SLF2: variants seen among roughly 807,000 people sequenced by gnomAD.
The protein encoded by SLF2 is SMC5-SMC6 complex localization factor protein 2.
A neutral mutation model predicts 124.3 loss-of-function variants in SLF2; 68 were observed. The ratio of observed to expected loss-of-function variants is 0.55; its 90% CI spans 0.45 to 0.67. The LOEUF is 0.67. Ranked by LOEUF, SLF2 falls within the 30% of genes least tolerant of loss-of-function variation. SLF2 has a pLI of 0.00. For missense variants in SLF2, 1,246 were observed against 1,373.7 expected (o/e 0.91, Z 1.47); for synonymous variants, 480 against 478.8 (o/e 1.00, Z -0.03).
At chr10:100,942,935 C>G (rs1022254282) in intron 11 of SLF2, among the ~76,000 whole-genome samples, 2 of 146,544 alleles carry the variant, frequency 1.4e-5, no homozygotes, top group African/African-American at 5.0e-5. Context: ...CACCCACTCT[C>G]TCATCATTTG....
intron 9 of SLF2, among the ~76,000 whole-genome samples, chr10:100,933,915 G>GT (rs1849794701): frequency 6.6e-6 from 1 of 152,202 alleles, no homozygotes; most frequent in Admixed American, 6.5e-5. Context: ...CTGGCCTTAA[G>GT]TGATCCACCC....
rs1312920837 is a variant in SLF2 at position 100,925,061 on chromosome 10, A to G, written c.1971+89A>G. 1.6e-5 allele frequency: 21 copies of G among 1,300,486 alleles called. No individual in the cohort carries two copies. The East Asian group carries it at 4.9e-4, about 30-fold the overall frequency. The allele number at this position is 1,300,486 out of a possible 1,614,324, so 80.6% of individuals were successfully genotyped here. A position where few individuals can be genotyped will look rare whatever the true frequency, so the allele number is the denominator to read the frequency against. ...GTGGATTATCGGAACTTACTTTAAA[A>G]TTTAGTATTTATTATAACTCATATT... On this transcript the variant is annotated intron_variant, in intron 5 of 19. Coordinates refer to ENST00000238961, the MANE Select transcript of SLF2 (RefSeq NM_018121.4).
rs1850435656 is a variant in SLF2, at chr10:100,962,071, G to A, written c.*159G>A. ...GTATGAAGCTGGTAATGAAGAAATTGCCATTTCTGAAGCAGATATGAAATA... is the reference window on the plus strand; with the variant it reads ...GTATGAAGCTGGTAATGAAGAAATTACCATTTCTGAAGCAGATATGAAATA... On this transcript the variant is annotated 3_prime_UTR_variant, in exon 20 of 20. Coordinates refer to ENST00000238961, the MANE Select transcript of SLF2 (RefSeq NM_018121.4). 1.6e-6 allele frequency: 1 copy of A among 608,816 alleles called. No individual in the cohort carries two copies. Among genetic ancestry groups the A allele is most frequent in the Non-Finnish European group, 2.7e-6 (1 of 368,734 alleles). The allele number at this position is 608,816 out of a possible 1,614,324, so 37.7% of individuals were successfully genotyped here.
intron 4 of SLF2, among the ~76,000 whole-genome samples, chr10:100,920,012 A>G (rs192076858): frequency 1.3e-5 from 2 of 152,374 alleles, no homozygotes; most frequent in Admixed American, 1.3e-4. Flanking sequence ...TTATAGAAGG[A>G]ACTTCTAGGA....
chr10:100,945,240 C>A, intron 12 of SLF2, 90 bp from the exon 13 acceptor site: 1 of 1,076,932 alleles, frequency 9.3e-7, no homozygotes, highest in Non-Finnish European at 1.3e-6. Flanking sequence ...TTCTTTTTTG[C>A]ATCTTTTGTC....
intron 4 of SLF2, among the ~76,000 whole-genome samples, chr10:100,922,599 T>G (rs1025571343): frequency 2.0e-5 from 3 of 152,132 alleles, no homozygotes; most frequent in Non-Finnish European, 4.4e-5. Flanking sequence ...GAATACTGAT[T>G]GCACAAATAG....
chr10:100,959,600 A>G (rs1383627388), intron 19 of SLF2, 104 bp downstream of exon 19: 3 of 1,422,972 alleles, frequency 2.1e-6, no homozygotes, highest in Admixed American at 5.2e-5. Flanking sequence ...ACTTGCTTCT[A>G]GTTATCTTAA....
Position 100,959,510 on chromosome 10 carries a change from A to G in SLF2, c.3486+14A>G, listed in dbSNP as rs929723838. The G allele has an allele frequency of 1.6e-5, 25 of 1,612,806 alleles. No individual in the cohort carries two copies. The highest frequency in any genetic ancestry group is 4.5e-5 in the East Asian group (2 of 44,858). ...CGGCCTACTCAGGTGTCATTTTGTT[A>G]TACAATTTCATGTATTCTTAATAGT... On this transcript the variant is annotated intron_variant, in intron 19 of 19. Coordinates refer to ENST00000238961, the MANE Select transcript of SLF2 (RefSeq NM_018121.4).
chr10:100,928,152 T>C (rs1357172085), intron 6 of SLF2, among the ~76,000 whole-genome samples: 1 of 150,102 alleles, frequency 6.7e-6, no homozygotes, highest in African/African-American at 2.5e-5. Flanking sequence ...TGACTAATTA[T>C]GGACAGGTTT....
chr10:100,928,104 A>AG (rs1564774149), intron 6 of SLF2, among the ~76,000 whole-genome samples: 3 of 138,970 alleles, frequency 2.2e-5, no homozygotes, highest in African/African-American at 5.3e-5. Context: ...AGAGAGAGAG[A>AG]AAAGTTGAGG....
At position 100,929,478 on chromosome 10, in the gene SLF2, T is replaced by C. The variant is rs187826635; in HGVS notation, c.2165+39T>C. The C allele has an allele frequency of 1.0e-5, 15 of 1,505,934 alleles. No homozygotes were observed. In the Admixed American group the frequency reaches 1.3e-4, roughly 13 times the overall value. The allele number at this position is 1,505,934 out of a possible 1,614,324, so 93.3% of individuals were successfully genotyped here. On this transcript the variant is annotated intron_variant, in intron 7 of 19. Coordinates refer to ENST00000238961, the MANE Select transcript of SLF2 (RefSeq NM_018121.4). ...CATAATGTATTTTACCTTATTAAAGTTTTTACATTTTTTAGTTTTGTTTTT... is the reference window on the plus strand; with the variant it reads ...CATAATGTATTTTACCTTATTAAAGCTTTTACATTTTTTAGTTTTGTTTTT...
At chr10:100,941,994 A>G (rs893935578) in intron 11 of SLF2, among the ~76,000 whole-genome samples, 4 of 152,226 alleles carry the variant, frequency 2.6e-5, no homozygotes, top group Non-Finnish European at 5.9e-5. Flanking sequence ...GGTATGTAAT[A>G]TACTAACATT....
At chr10:100,917,633 A>G (rs1031356043) in intron 3 of SLF2, among the ~76,000 whole-genome samples, 2 of 152,144 alleles carry the variant, frequency 1.3e-5, no homozygotes, top group East Asian at 1.9e-4. Flanking sequence ...CTGGAGTGCT[A>G]TGGCGTGATC....
intron 17 of SLF2, among the ~76,000 whole-genome samples, chr10:100,954,487 T>A (rs1298686324): frequency 6.6e-6 from 1 of 152,204 alleles, no homozygotes; most frequent in Non-Finnish European, 1.5e-5. Flanking sequence ...TTATTTTAAA[T>A]CGCTATTATC....
chr10:100,917,424 C>A, intron 3 of SLF2, 124 bp downstream of exon 3: 1 of 1,103,236 alleles, frequency 9.1e-7, no homozygotes, highest in Non-Finnish European at 1.2e-6. Flanking sequence ...TACTTATGCA[C>A]AGTTTGTGTA....
At chr10:100,930,022 C>T (rs1324130678) in intron 8 of SLF2, 25 bp downstream of exon 8, 1 of 1,404,798 alleles carries the variant, frequency 7.1e-7, no homozygotes, top group Non-Finnish European at 9.5e-7. Flanking sequence ...AGACATTTTA[C>T]TTTTATATGT....
At chr10:100,937,183 G>T (rs1043435815) in intron 9 of SLF2, among the ~76,000 whole-genome samples, 4 of 151,992 alleles carry the variant, frequency 2.6e-5, no homozygotes, top group African/African-American at 9.7e-5. Context: ...GCTAATTTTT[G>T]TATTTTTTGT....
chr10:100,927,964 G>A (rs1000901521), intron 6 of SLF2, among the ~76,000 whole-genome samples: 6 of 148,788 alleles, frequency 4.0e-5, no homozygotes, highest in African/African-American at 1.5e-4. Flanking sequence ...GTTCACACAG[G>A]TAGAATTTTC....
At chr10:100,929,150 C>T (rs949103638) in intron 6 of SLF2, among the ~76,000 whole-genome samples, 167 bp from the exon 7 acceptor site, 5 of 152,074 alleles carry the variant, frequency 3.3e-5, no homozygotes, top group Admixed American at 6.6e-5. Flanking sequence ...GAAAATTGTA[C>T]GTCGTGATGT....
Sources: allele counts gnomAD v4.1 joint callset (sites outside exome capture counted in the v4.1 genomes callset), GRCh38; gene constraint gnomAD v4.1.1; transcripts MANE v1.5; gene names NCBI Gene and HGNC (gene_info 2026-07-23, HGNC 2026-07-21).